The following ADGRV1 variants were observed in gnomAD, a reference collection of about 807,000 sequenced individuals.
ADGRV1 encodes the protein G-protein coupled receptor 98.
ADGRV1 carries 359 observed loss-of-function variants against 596.2 expected under a neutral mutation model. The observed-to-expected ratio is 0.60, with a 90% CI of 0.55 to 0.66. The LOEUF is 0.66. Among genes scored for constraint, ADGRV1 ranks in the 30% least tolerant of loss-of-function variants. The pLI, the probability that ADGRV1 is intolerant of heterozygous loss-of-function variation, is 0.00. For synonymous variants in ADGRV1, 2,681 were observed against 2,679.2 expected (o/e 1.00, Z -0.02); for missense variants, 7,274 against 7,575.6 (o/e 0.96, Z 1.48).
At chr5:90,724,772 T>G (rs1751540163) in intron 45 of ADGRV1, 60 bp from the exon 46 acceptor site, 3 of 1,440,286 alleles carry the variant, frequency 2.1e-6, no homozygotes, top group Non-Finnish European at 2.9e-6. Context: ...AACAATAAAT[T>G]AGAATAGATA....
At chr5:90,856,064 A>G (rs1766994696) in intron 82 of ADGRV1, among the ~76,000 whole-genome samples, 163 bp downstream of exon 82, 1 of 152,176 alleles carries the variant, frequency 6.6e-6, no homozygotes, top group Non-Finnish European at 1.5e-5. Flanking sequence ...TCATTCAACA[A>G]ATATTTATGG....
chr5:90,625,109 G>T, intron 5 of ADGRV1, 21 bp from the exon 6 acceptor site: 1 of 1,424,102 alleles, frequency 7.0e-7, no homozygotes, highest in Non-Finnish European at 9.9e-7. Context: ...TTTATTGATG[G>T]CATTTTGTGT....
In ADGRV1 at chr5:90,842,708, A is replaced by C. The variant is rs140032857; in HGVS notation, c.17019+1723A>C. Among the ~76,000 whole-genome samples, 502 of 151,824 alleles carry C rather than the reference A, an allele frequency of 3.3e-3. 18 individuals are homozygous for C. The East Asian group carries it at 0.083, about 25-fold the overall frequency. The stretch of plus-strand genomic sequence containing the variant: ...TCTCCAGCCTGGGCAACAGAGCAAG[A>C]CTCCATCTCAAAAAAAAAAATTGTA... On this transcript the variant is annotated intron_variant, in intron 78 of 89. Transcript: ENST00000405460.
intron 71 of ADGRV1, among the ~76,000 whole-genome samples, chr5:90,803,914 A>AC (rs1761651760): frequency 6.6e-6 from 1 of 152,052 alleles, no homozygotes; most frequent in African/African-American, 2.4e-5. Context: ...ATACTGTATC[A>AC]CCCCAAAGGG....
chr5:90,908,255 G>A (rs900159819), intron 83 of ADGRV1, among the ~76,000 whole-genome samples: 2 of 152,020 alleles, frequency 1.3e-5, no homozygotes, highest in African/African-American at 2.4e-5. Context: ...TGGGTGCATA[G>A]TAGGTATATA....
chr5:90,667,793 G>A (rs1771699179), intron 21 of ADGRV1, among the ~76,000 whole-genome samples: 1 of 152,176 alleles, frequency 6.6e-6, no homozygotes. Flanking sequence ...TTTTTGGTGT[G>A]GATGTCCTTT....
chr5:91,108,521 A>T (rs2126679863), intron 87 of ADGRV1, among the ~76,000 whole-genome samples: 1 of 152,266 alleles, frequency 6.6e-6, no homozygotes, highest in Middle Eastern at 3.4e-3. Context: ...TAAGTTTTTT[A>T]AAAAATATTT....
intron 83 of ADGRV1, among the ~76,000 whole-genome samples, chr5:90,864,735 G>A (rs896975938): frequency 6.6e-6 from 1 of 152,004 alleles, no homozygotes; most frequent in African/African-American, 2.4e-5. Context: ...ATAGATCCAG[G>A]CAGAAAGAAT....
intron 29 of ADGRV1, among the ~76,000 whole-genome samples, chr5:90,686,635 T>C (rs1745689273): frequency 6.6e-6 from 1 of 152,200 alleles, no homozygotes; most frequent in African/African-American, 2.4e-5. Context: ...TTGGGTTGGT[T>C]CCAAGCCTTT....
chr5:90,576,746 C>T (rs113600737), intron 1 of ADGRV1, among the ~76,000 whole-genome samples: 1,745 of 152,176 alleles, frequency 0.011, 29 homozygotes, highest in African/African-American at 0.04. Context: ...AGTCTGAAAG[C>T]GTTCCTATTT....
At chr5:90,930,317 G>A (rs975578938) in intron 83 of ADGRV1, among the ~76,000 whole-genome samples, 2 of 151,894 alleles carry the variant, frequency 1.3e-5, no homozygotes, top group African/African-American at 2.4e-5. Context: ...GAGTCCTTCC[G>A]GCAAACTCCA....
chr5:90,953,431 C>T (rs1261117834), intron 83 of ADGRV1, among the ~76,000 whole-genome samples: 1 of 152,096 alleles, frequency 6.6e-6, no homozygotes, highest in Non-Finnish European at 1.5e-5. Context: ...CTCAGTGTTC[C>T]CACAGCGTTC....
chr5:91,089,139 A>G (rs1790164395), intron 86 of ADGRV1, among the ~76,000 whole-genome samples: 1 of 152,206 alleles, frequency 6.6e-6, no homozygotes, highest in East Asian at 1.9e-4. Flanking sequence ...AAGCCTTTAT[A>G]TAACACAGAT....
At chr5:90,664,356 T>A (rs1770925149) in intron 21 of ADGRV1, among the ~76,000 whole-genome samples, 1 of 151,632 alleles carries the variant, frequency 6.6e-6, no homozygotes, top group Non-Finnish European at 1.5e-5. Flanking sequence ...TTCCTAGGTA[T>A]TTTATTCTCT....
chr5:90,676,337 T>A (rs1221816267), intron 25 of ADGRV1, 128 bp downstream of exon 25: 18 of 811,474 alleles, frequency 2.2e-5, no homozygotes, highest in Admixed American at 1.0e-4. Flanking sequence ...TTATTAGTTT[T>A]TGAAGAGAGC....
intron 74 of ADGRV1, among the ~76,000 whole-genome samples, chr5:90,814,316 C>T (rs538187215): frequency 3.3e-5 from 5 of 152,304 alleles, no homozygotes; most frequent in Admixed American, 1.3e-4. Flanking sequence ...ACTAGTTCTT[C>T]CCTATCAGGA....
chr5:91,062,953 CTTTT>C (rs70973726), intron 85 of ADGRV1, among the ~76,000 whole-genome samples: 4 of 80,846 alleles, frequency 4.9e-5, no homozygotes, highest in African/African-American at 4.4e-5. Context: ...GTTTCTCAAA[CTTTT>C]TTTTTTTTTT....
chr5:91,118,639 G>A (rs896606268), intron 87 of ADGRV1, among the ~76,000 whole-genome samples: 1 of 151,988 alleles, frequency 6.6e-6, no homozygotes, highest in Non-Finnish European at 1.5e-5. Flanking sequence ...GTAATCCAGA[G>A]TGTGATCTTC....
intron 85 of ADGRV1, among the ~76,000 whole-genome samples, chr5:91,040,913 A>G (rs940673379): frequency 1.3e-5 from 2 of 152,216 alleles, no homozygotes; most frequent in Admixed American, 1.3e-4. Flanking sequence ...ATTTAGGTTC[A>G]GTAAAGAAAC....
Sources: gnomAD v4.1 joint callset for allele counts (sites outside exome capture counted in the v4.1 genomes callset) on GRCh38, gnomAD v4.1.1 for gene constraint, MANE v1.5 for transcripts, NCBI Gene and HGNC (gene_info 2026-07-23, HGNC 2026-07-21) for gene names.